PARD3B: variants seen among roughly 807,000 people sequenced by gnomAD.
PARD3B encodes the protein par-3 family cell polarity regulator beta.
A neutral mutation model predicts 130.2 loss-of-function variants in PARD3B; 103 were observed. That is an observed-to-expected ratio of 0.79 (90% CI 0.67 to 0.93). The LOEUF (loss-of-function observed/expected upper bound fraction) is 0.93, where lower values mean the gene tolerates loss of function less well. Among genes scored for constraint, PARD3B ranks in the 40% least tolerant of loss-of-function variants. The pLI, the probability that PARD3B is intolerant of heterozygous loss-of-function variation, is 0.00. For synonymous variants in PARD3B, 583 were observed against 553.2 expected (o/e 1.05, Z -0.76); for missense variants, 1,609 against 1,499.2 (o/e 1.07, Z -1.21).
chr2:204,589,687 G>T (rs942189781), intron 1 of PARD3B, among the ~76,000 whole-genome samples: 1 of 152,128 alleles, frequency 6.6e-6, no homozygotes, highest in African/African-American at 2.4e-5. Flanking sequence ...AAGGATTTTT[G>T]GTAATTGGCA....
chr2:204,850,721 A>G (rs1264760281), intron 2 of PARD3B, among the ~76,000 whole-genome samples: 1 of 152,180 alleles, frequency 6.6e-6, no homozygotes, highest in Admixed American at 6.5e-5. Flanking sequence ...CTGAGCAGGC[A>G]CTGACCAAAT....
At chr2:204,546,983 A>G (rs114424167) in intron 1 of PARD3B, among the ~76,000 whole-genome samples, 66 of 152,294 alleles carry the variant, frequency 4.3e-4, no homozygotes, top group African/African-American at 1.6e-3. Flanking sequence ...TAACCTTTTA[A>G]TTTTTTGAAT....
chr2:204,601,516 T>C (rs137861615), intron 1 of PARD3B, among the ~76,000 whole-genome samples: 2 of 152,174 alleles, frequency 1.3e-5, no homozygotes, highest in Non-Finnish European at 2.9e-5. Context: ...ATATGAATTT[T>C]GAATTTTTAT....
Position 205,229,773 on chromosome 2 carries a change from G to A in PARD3B, c.2141-16005G>A, listed in dbSNP as rs558831516. ...GACAGCAAGGTCCCCCTGGCCTCGA[G>A]TGAGTCCACAGATGCCGTCCAGGAG... is the stretch of plus-strand genomic sequence containing the variant. On this transcript the variant is annotated intron_variant, in intron 15 of 22. Coordinates refer to ENST00000406610, the MANE Select transcript of PARD3B (RefSeq NM_001302769.2). This position sits in a 1 kb window ranked among gnomAD's most constrained non-coding sequence, Gnocchi z 5.2. Among the ~76,000 whole-genome samples, 1 of 152,206 alleles carries A rather than the reference G, an allele frequency of 6.6e-6. No individual in the cohort carries two copies. The highest frequency in any genetic ancestry group is 2.1e-4 in the South Asian group (1 of 4,826).
In PARD3B at chr2:205,244,565, C is replaced by T. The variant is rs2039489889; in HGVS notation, c.2141-1213C>T. ...TGGGAAATCCTCTCTCTTTCTAATA[C>T]ATTTTCTGTAGAATTGGTCTTATTT... On this transcript the variant is annotated intron_variant, in intron 15 of 22. Coordinates refer to ENST00000406610, the MANE Select transcript of PARD3B (RefSeq NM_001302769.2). The surrounding 1 kb of genome is among the most constrained non-coding windows in gnomAD (Gnocchi z 4.7). Among the ~76,000 whole-genome samples the T allele has an allele frequency of 6.6e-6, 1 of 152,132 alleles. No homozygotes were observed. Among genetic ancestry groups the T allele is most frequent in the Admixed American group, 6.5e-5 (1 of 15,268 alleles).
chr2:205,069,073 G>A (rs1700562976), intron 4 of PARD3B, among the ~76,000 whole-genome samples: 1 of 149,150 alleles, frequency 6.7e-6, no homozygotes, highest in African/African-American at 2.5e-5. Context: ...TACTCTATCT[G>A]CCAGTTTCTA....
At chr2:204,605,700 C>T (rs1330872032) in intron 1 of PARD3B, among the ~76,000 whole-genome samples, 1 of 152,086 alleles carries the variant, frequency 6.6e-6, no homozygotes, top group East Asian at 1.9e-4. Flanking sequence ...CTGCACCTTG[C>T]TTTTGTCATC....
chr2:205,052,260 C>T (rs1376817960), intron 4 of PARD3B, among the ~76,000 whole-genome samples: 1 of 151,502 alleles, frequency 6.6e-6, no homozygotes, highest in Non-Finnish European at 1.5e-5. Context: ...ATTGATCCTG[C>T]AGGGCGAGAA....
intron 10 of PARD3B, among the ~76,000 whole-genome samples, chr2:205,143,348 A>C (rs1287844977): frequency 6.6e-6 from 1 of 152,184 alleles, no homozygotes; most frequent in East Asian, 1.9e-4. Context: ...TAATTTGAAA[A>C]AATTAATTCC....
intron 1 of PARD3B, among the ~76,000 whole-genome samples, chr2:204,586,142 A>C (rs2032813379): frequency 6.6e-6 from 1 of 152,204 alleles, no homozygotes; most frequent in Non-Finnish European, 1.5e-5. Context: ...TGATGTCATA[A>C]AGGGAGCTTT....
At chr2:204,855,342 A>G (rs1349368045) in intron 2 of PARD3B, among the ~76,000 whole-genome samples, 1 of 152,038 alleles carries the variant, frequency 6.6e-6, no homozygotes, top group Non-Finnish European at 1.5e-5. Context: ...CAAGAGATTG[A>G]GACCATCCTG....
intron 11 of PARD3B, among the ~76,000 whole-genome samples, chr2:205,167,263 A>G (rs13422432): frequency 6.6e-6 from 1 of 152,016 alleles, no homozygotes; most frequent in African/African-American, 2.4e-5. Context: ...ATCATAAATA[A>G]GCTTTAGAGG....
intron 2 of PARD3B, among the ~76,000 whole-genome samples, chr2:204,851,750 T>C (rs1157951727): frequency 6.6e-6 from 1 of 152,182 alleles, no homozygotes; most frequent in Non-Finnish European, 1.5e-5. Context: ...ACAATCCTTT[T>C]TTTTTTTTCT....
At chr2:205,441,004 T>A (rs2047695736) in intron 20 of PARD3B, among the ~76,000 whole-genome samples, 1 of 152,136 alleles carries the variant, frequency 6.6e-6, no homozygotes, top group South Asian at 2.1e-4. Context: ...TGTAAAAGAT[T>A]TATTCAGGAA....
chr2:205,055,065 G>A (rs931199477), intron 4 of PARD3B, among the ~76,000 whole-genome samples: 3 of 152,052 alleles, frequency 2.0e-5, no homozygotes, highest in South Asian at 2.1e-4. Context: ...CAGTGTATTC[G>A]TTTTTGTATT....
At chr2:204,998,354 A>ATGTGTGTG (rs1429278821) in intron 3 of PARD3B, among the ~76,000 whole-genome samples, 1 of 72,974 alleles carries the variant, frequency 1.4e-5, no homozygotes, top group African/African-American at 6.9e-5. Context: ...ATATATATAT[A>ATGTGTGTG]TATATGTGTG....
chr2:205,364,479 G>A (rs879571725), intron 18 of PARD3B, among the ~76,000 whole-genome samples: 1 of 152,202 alleles, frequency 6.6e-6, no homozygotes, highest in Non-Finnish European at 1.5e-5. Flanking sequence ...TCAGGTTCCA[G>A]CCTGCCAAGC....
At chr2:205,270,821 A>G (rs1169536044) in intron 16 of PARD3B, among the ~76,000 whole-genome samples, 2 of 152,030 alleles carry the variant, frequency 1.3e-5, no homozygotes, top group Non-Finnish European at 2.9e-5. Flanking sequence ...TGCCAGCCTT[A>G]TTTATCTTAC....
rs573841229 is a variant in PARD3B, at chr2:205,113,393, G to GGGGTGTGT, written c.594-97_594-96insGGTGTGTG. On this transcript the variant is annotated intron_variant, in intron 5 of 22. Transcript: ENST00000406610. ...ATTAGTTGATATAATCCTGAGCAGG[G>GGGGTGTGT]GTGTGTGTGTGTGTGTGTGTGTGTG... 1.1e-5 allele frequency: 6 copies of GGGGTGTGT among 562,260 alleles called. No individual in the cohort carries two copies. The African/African-American group carries it at 1.4e-4, about 13-fold the overall frequency. 34.8% of individuals were successfully genotyped at this position (562,260 alleles called of 1,614,324 possible).
Sources: gnomAD v4.1 joint callset for allele counts (sites outside exome capture counted in the v4.1 genomes callset) on GRCh38, gnomAD v4.1.1 for gene constraint, Gnocchi (gnomAD v3.1) non-coding constraint, MANE v1.5 for transcripts, NCBI Gene and HGNC (gene_info 2026-07-23, HGNC 2026-07-21) for gene names.